The following MYLK variants were observed in gnomAD, a reference collection of about 807,000 sequenced individuals.
MYLK encodes the protein myosin light chain kinase, smooth muscle.
Under a neutral mutation model 203.4 loss-of-function variants are expected in MYLK, and 106 were observed. The ratio of observed to expected loss-of-function variants is 0.52; its 90% CI spans 0.45 to 0.61. The LOEUF (loss-of-function observed/expected upper bound fraction) is 0.61. Ranked by LOEUF, MYLK falls within the 20% of genes least tolerant of loss-of-function variation. The probability of loss-of-function intolerance (pLI) is 0.00; values close to 1 mark genes in which losing one functional copy is unlikely to be tolerated. For missense variants in MYLK, 2,072 were observed against 2,442.3 expected, an observed-to-expected ratio of 0.85 and a Z score of 3.20; for synonymous variants, 867 against 959.5, an observed-to-expected ratio of 0.90 and a Z score of 1.78.
intron 3 of MYLK, among the ~76,000 whole-genome samples, chr3:123,804,380 C>G (rs2065298550): frequency 1.3e-5 from 2 of 152,064 alleles, no homozygotes; most frequent in African/African-American, 4.8e-5. Context: ...AAAAGGGTCA[C>G]CTCTCTGTGG....
chr3:123,715,517 T>C (rs986532214), intron 13 of MYLK, among the ~76,000 whole-genome samples: 1 of 152,248 alleles, frequency 6.6e-6, no homozygotes, highest in African/African-American at 2.4e-5. Flanking sequence ...AAACCTAATA[T>C]AAATTGATAC....
intron 29 of MYLK, among the ~76,000 whole-genome samples, chr3:123,633,701 A>G (rs2058526361): frequency 6.6e-6 from 1 of 152,200 alleles, no homozygotes; most frequent in Admixed American, 6.5e-5. Flanking sequence ...AGGGCATTCT[A>G]ATTTCTTAAT....
rs148832626 is a variant in MYLK, at chr3:123,671,987, A to T, written c.3653-4800T>A. Among the ~76,000 whole-genome samples the T allele has an allele frequency of 2.6e-5, 4 of 152,170 alleles. No homozygotes were observed. In the East Asian group the frequency reaches 7.7e-4, roughly 29 times the overall value. On this transcript the variant is annotated intron_variant, in intron 20 of 33. Transcript: ENST00000360304. ...TCTGGAGAGAGGAGGCCATCTGTTC[A>T]GAGGAGCTACGTGGAGGGCTGTTGT...
At chr3:123,652,616 C>G (rs551261425) in intron 24 of MYLK, among the ~76,000 whole-genome samples, 1 of 152,282 alleles carries the variant, frequency 6.6e-6, no homozygotes, top group Non-Finnish European at 1.5e-5. Flanking sequence ...CTTTATATCT[C>G]GAACTGTCCT....
chr3:123,878,221 G>C (rs944940344), intron 1 of MYLK, among the ~76,000 whole-genome samples: 2 of 152,186 alleles, frequency 1.3e-5, no homozygotes, highest in Non-Finnish European at 2.9e-5. Context: ...TGCCAAGCAC[G>C]TGTTCATCTG....
At chr3:123,770,263 G>T (rs140187558) in intron 4 of MYLK, among the ~76,000 whole-genome samples, 9,767 of 152,204 alleles carry the variant, frequency 0.064, 1,035 homozygotes, top group African/African-American at 0.22. Context: ...GGCAGAGGTT[G>T]CAGTGAGCTG....
At chr3:123,747,861 G>A (rs1389505807) in intron 5 of MYLK, among the ~76,000 whole-genome samples, 1 of 152,114 alleles carries the variant, frequency 6.6e-6, no homozygotes, top group East Asian at 1.9e-4. Flanking sequence ...TCCTTGAAAA[G>A]TCAAAGGCCT....
At chr3:123,834,141 G>A (rs1350286121) in intron 2 of MYLK, among the ~76,000 whole-genome samples, 1 of 152,172 alleles carries the variant, frequency 6.6e-6, no homozygotes, top group Non-Finnish European at 1.5e-5. Flanking sequence ...TGCCTCCCAT[G>A]TTCAAGTGAT....
At chr3:123,650,617 A>T (rs2059179354) in intron 24 of MYLK, among the ~76,000 whole-genome samples, 1 of 152,204 alleles carries the variant, frequency 6.6e-6, no homozygotes, top group Non-Finnish European at 1.5e-5. Flanking sequence ...ATGGAAAAAT[A>T]AAAAAGGATG....
At chr3:123,734,423 C>T (rs1272557596) in intron 9 of MYLK, 4 of 544,628 alleles carry the variant, frequency 7.3e-6, no homozygotes, top group East Asian at 3.1e-5. Flanking sequence ...ATTCCCGACA[C>T]TTGCCTGTCC....
chr3:123,657,373 T>A lies in MYLK; in HGVS notation c.4041A>T (p.Ser1347=), dbSNP rs2108274088. ...TPCASDIRSS[S]LTLSWYGSSY... ...AGGAGCCATACCAGGACAGGGTCAG[T>A]GAGGAGCTCCGAATGTCAGAGGCAC... The change falls in exon 24 of 34, where the codon TCA becomes TCT. Residue 1347 remains serine, a synonymous_variant. Transcript: ENST00000360304. 1.2e-6 allele frequency: 2 copies of A among 1,614,010 alleles called. No homozygotes were observed. The highest frequency in any genetic ancestry group is 4.5e-5 in the East Asian group (2 of 44,882).
intron 19 of MYLK, among the ~76,000 whole-genome samples, chr3:123,687,025 C>T (rs2060482404): frequency 6.6e-6 from 1 of 152,052 alleles, no homozygotes; most frequent in African/African-American, 2.4e-5. Flanking sequence ...AGTTTGAGAC[C>T]AGACTGGCCA....
At position 123,855,592 on chromosome 3, in the gene MYLK, T is replaced by C. The variant is rs537103890; in HGVS notation, c.-127+20967A>G. Among the ~76,000 whole-genome samples, 9 of 152,166 alleles carry C rather than the reference T, an allele frequency of 5.9e-5. No homozygotes were observed. In the South Asian group the frequency reaches 1.9e-3, roughly 32 times the overall value. On this transcript the variant is annotated intron_variant, in intron 2 of 33. Coordinates refer to ENST00000360304, the MANE Select transcript of MYLK (RefSeq NM_053025.4). ...AGTTGGAGGCTACAGTGAGTTATGATTGTGCTACTCTGCTCTAGCCTTGGT... is the reference window on the plus strand; with the variant it reads ...AGTTGGAGGCTACAGTGAGTTATGACTGTGCTACTCTGCTCTAGCCTTGGT...
chr3:123,740,055 A>G, intron 5 of MYLK, 54 bp from the exon 6 acceptor site: 1 of 1,587,600 alleles, frequency 6.3e-7, no homozygotes, highest in Non-Finnish European at 8.6e-7. Context: ...TGGAGCAATG[A>G]AAGTAAAAAG....
intron 4 of MYLK, among the ~76,000 whole-genome samples, chr3:123,781,909 A>C (rs1035210614): frequency 2.0e-5 from 3 of 152,236 alleles, no homozygotes; most frequent in Non-Finnish European, 4.4e-5. Context: ...TAAGGAGACA[A>C]GAGATTAATA....
intron 2 of MYLK, among the ~76,000 whole-genome samples, chr3:123,840,112 T>C (rs995492482): frequency 5.3e-5 from 8 of 152,054 alleles, no homozygotes; most frequent in Admixed American, 3.9e-4. Context: ...ATTAACTCAG[T>C]GATCTAAGCT....
At chr3:123,639,278 C>T (rs898968439) in intron 28 of MYLK, among the ~76,000 whole-genome samples, 1 of 152,258 alleles carries the variant, frequency 6.6e-6, no homozygotes, top group African/African-American at 2.4e-5. Context: ...ATGTTTCTCA[C>T]CTGACTGCGC....
chr3:123,860,218 G>A (rs137948332), intron 2 of MYLK, among the ~76,000 whole-genome samples: 12 of 152,288 alleles, frequency 7.9e-5, no homozygotes, highest in African/African-American at 2.9e-4. Context: ...CCCGGCACAC[G>A]GCTCCAGACC....
chr3:123,749,573 T>A (rs2063133945), intron 5 of MYLK, among the ~76,000 whole-genome samples: 1 of 152,204 alleles, frequency 6.6e-6, no homozygotes, highest in Non-Finnish European at 1.5e-5. Context: ...TTGGGCCTGA[T>A]CACTACATTA....
Sources: gnomAD v4.1 joint callset for allele counts (sites outside exome capture counted in the v4.1 genomes callset) on GRCh38, gnomAD v4.1.1 for gene constraint, MANE v1.5 for transcripts, NCBI Gene and HGNC (gene_info 2026-07-23, HGNC 2026-07-21) for gene names.